The following ADGRB3 variants were observed in gnomAD, a reference collection of about 807,000 sequenced individuals.
ADGRB3 encodes brain-specific angiogenesis inhibitor 3.
A neutral mutation model predicts 193.4 loss-of-function variants in ADGRB3; 37 were observed. The ratio of observed to expected loss-of-function variants is 0.19; its 90% CI spans 0.15 to 0.25. The LOEUF is 0.25. ADGRB3 is among the 10% of genes least tolerant of loss of function. The pLI is 1.00. For missense variants in ADGRB3, 1,637 were observed against 1,852.9 expected, an observed-to-expected ratio of 0.88 and a Z score of 2.14; for synonymous variants, 690 against 644.2, an observed-to-expected ratio of 1.07 and a Z score of -1.08.
intron 29 of ADGRB3, 111 bp from the exon 30 acceptor site, chr6:69,372,295 A>G (rs1769722091): frequency 1.8e-6 from 1 of 545,356 alleles, no homozygotes; most frequent in Non-Finnish European, 3.1e-6. Context: ...GGAAATATGT[A>G]TAAAACAAGC....
At chr6:68,902,807 G>A (rs901542620) in intron 3 of ADGRB3, among the ~76,000 whole-genome samples, 3 of 152,082 alleles carry the variant, frequency 2.0e-5, no homozygotes, top group Non-Finnish European at 4.4e-5. Flanking sequence ...GCATGACTGA[G>A]TAGACTAAAA....
At chr6:69,357,888 A>G (rs1301529937) in intron 28 of ADGRB3, among the ~76,000 whole-genome samples, 1 of 151,946 alleles carries the variant, frequency 6.6e-6, no homozygotes, top group Non-Finnish European at 1.5e-5. Context: ...GATAATTGAT[A>G]TAATATTGTC....
At chr6:69,359,065 C>A (rs781526116) in intron 28 of ADGRB3, among the ~76,000 whole-genome samples, 2 of 151,364 alleles carry the variant, frequency 1.3e-5, no homozygotes, top group African/African-American at 4.8e-5. Context: ...TACACAGTAC[C>A]AATACTTCCT....
chr6:69,259,958 T>A (rs1436815201), intron 20 of ADGRB3, among the ~76,000 whole-genome samples: 1 of 152,162 alleles, frequency 6.6e-6, no homozygotes, highest in Admixed American at 6.5e-5. Flanking sequence ...GCCAAAAATT[T>A]TTAAAGAAAA....
At chr6:68,821,951 AG>A (rs1767755170) in intron 3 of ADGRB3, among the ~76,000 whole-genome samples, 1 of 151,934 alleles carries the variant, frequency 6.6e-6, no homozygotes, top group Admixed American at 6.6e-5. Flanking sequence ...AAATCCACGG[AG>A]GTAGGTACTA....
At chr6:69,311,545 C>T (rs1457652393) in intron 20 of ADGRB3, among the ~76,000 whole-genome samples, 1 of 151,718 alleles carries the variant, frequency 6.6e-6, no homozygotes, top group Non-Finnish European at 1.5e-5. Context: ...GGTACTCAAA[C>T]CTCTGATCTC....
At chr6:69,376,205 G>A (rs542260596) in intron 30 of ADGRB3, among the ~76,000 whole-genome samples, 1 of 139,600 alleles carries the variant, frequency 7.2e-6, no homozygotes, top group African/African-American at 2.7e-5. Flanking sequence ...ATCCTCTCAT[G>A]TCAGCCTCCT....
intron 17 of ADGRB3, among the ~76,000 whole-genome samples, chr6:69,100,967 A>AGG (rs753260872): frequency 1.4e-5 from 1 of 71,510 alleles, no homozygotes; most frequent in Non-Finnish European, 3.1e-5. Flanking sequence ...GGGAGGGAGA[A>AGG]AGGGAAGGAA....
At chr6:68,998,615 C>T (rs981665592) in intron 11 of ADGRB3, among the ~76,000 whole-genome samples, 16 of 152,184 alleles carry the variant, frequency 1.1e-4, no homozygotes, top group African/African-American at 3.9e-4. Context: ...TCTTTGGCAA[C>T]TGTTGCATAC....
intron 3 of ADGRB3, among the ~76,000 whole-genome samples, chr6:68,689,631 G>A (rs145538415): frequency 2.0e-4 from 30 of 151,580 alleles, no homozygotes; most frequent in African/African-American, 5.6e-4. Flanking sequence ...TTTTTGGTTG[G>A]TTGGTTGATT....
At chr6:68,741,139 G>A (rs1284739107) in intron 3 of ADGRB3, among the ~76,000 whole-genome samples, 2 of 152,134 alleles carry the variant, frequency 1.3e-5, no homozygotes, top group Non-Finnish European at 2.9e-5. Context: ...ACAAAATGGT[G>A]TATCTAGTGT....
intron 17 of ADGRB3, among the ~76,000 whole-genome samples, chr6:69,187,095 A>C (rs1220807246): frequency 1.3e-5 from 2 of 152,004 alleles, no homozygotes; most frequent in African/African-American, 2.4e-5. Flanking sequence ...AATTATAAGA[A>C]ACTCAAAAAC....
intron 20 of ADGRB3, among the ~76,000 whole-genome samples, chr6:69,239,957 A>G (rs1305516080): frequency 6.6e-6 from 1 of 152,004 alleles, no homozygotes; most frequent in Non-Finnish European, 1.5e-5. Context: ...CACTTTGATA[A>G]CTTATTTGTC....
At chr6:69,151,254 T>C (rs1774672122) in intron 17 of ADGRB3, among the ~76,000 whole-genome samples, 1 of 152,120 alleles carries the variant, frequency 6.6e-6, no homozygotes, top group South Asian at 2.1e-4. Flanking sequence ...TATCCCAGAG[T>C]GTCGAGACTT....
intron 13 of ADGRB3, 71 bp from the exon 14 acceptor site, chr6:69,048,114 A>T: frequency 6.9e-7 from 1 of 1,447,706 alleles, no homozygotes; most frequent in Non-Finnish European, 9.4e-7. Context: ...TGCAAGATTT[A>T]CCTTGATCAA....
intron 3 of ADGRB3, among the ~76,000 whole-genome samples, chr6:68,818,377 T>G (rs1767676526): frequency 6.6e-6 from 1 of 152,104 alleles, no homozygotes; most frequent in Non-Finnish European, 1.5e-5. Context: ...GCACTATGCC[T>G]GGCACACAGC....
chr6:68,932,895 T>G (rs1767380385), intron 4 of ADGRB3, among the ~76,000 whole-genome samples: 1 of 81,582 alleles, frequency 1.2e-5, no homozygotes, highest in African/African-American at 3.4e-5. Context: ...CTTCTCAAAA[T>G]GAGTAAACTG....
chr6:69,264,762 A>G (rs1216366006), intron 20 of ADGRB3, among the ~76,000 whole-genome samples: 2 of 151,956 alleles, frequency 1.3e-5, no homozygotes, highest in Admixed American at 1.3e-4. Context: ...CAACATTACA[A>G]AAACATATTT....
At chr6:69,048,152 G>A (rs1180240147) in intron 13 of ADGRB3, 33 bp from the exon 14 acceptor site, 1 of 1,597,294 alleles carries the variant, frequency 6.3e-7, no homozygotes, top group Non-Finnish European at 8.5e-7. Context: ...TGTAAAGCAA[G>A]TTTAATTGAA....
Sources: gnomAD v4.1 joint callset for allele counts (sites outside exome capture counted in the v4.1 genomes callset) on GRCh38, gnomAD v4.1.1 for gene constraint, MANE v1.5 for transcripts, NCBI Gene and HGNC (gene_info 2026-07-23, HGNC 2026-07-21) for gene names.